KRT84: variants seen among roughly 807,000 people sequenced by gnomAD.
The protein encoded by KRT84 is keratin 84.
KRT84 carries 38 observed loss-of-function variants against 49.0 expected under a neutral mutation model. The ratio of observed to expected loss-of-function variants is 0.78; its 90% CI spans 0.60 to 1.02. KRT84 has a LOEUF of 1.02. KRT84 is among the 50% of genes least tolerant of loss of function. KRT84 has a pLI of 0.00. For synonymous variants in KRT84, 334 were observed against 312.8 expected (o/e 1.07, Z -0.72); for missense variants, 860 against 788.6 (o/e 1.09, Z -1.08).
chr12:52,378,380 G>GCTGC lies in KRT84; in HGVS notation c.1457-4_1457-1dup (p.Ser486CysfsTer15), dbSNP rs1230055321. ...CAGGCCGCCCCGGGAGCTGCTGACG[G>GCTGC]CTGCGGAGAAAGAAAGCATCAGGGA... On this transcript the variant is annotated frameshift_variant and splice_region_variant. Transcript: ENST00000257951. LOFTEE classifies it high-confidence loss of function. 2 of 1,454,650 alleles carry GCTGC rather than the reference G, an allele frequency of 1.4e-6. No homozygotes were observed. The highest frequency in any genetic ancestry group is 1.8e-6 in the Non-Finnish European group (2 of 1,106,586). The allele number at this position is 1,454,650 out of a possible 1,614,324, so 90.1% of individuals were successfully genotyped here.
Position 52,377,994 on chromosome 12 carries a change from C to T in KRT84, c.*40G>A. On this transcript the variant is annotated 3_prime_UTR_variant, in exon 9 of 9. Coordinates refer to ENST00000257951, the MANE Select transcript of KRT84 (RefSeq NM_033045.4). ...GGGGGCAGAAGCAGGAGCCGTGGAG[C>T]TGGTTCTTCTCTGGGCAGCAGCTGT... is the stretch of plus-strand genomic sequence containing the variant. The T allele has an allele frequency of 7.3e-7, 1 of 1,366,586 alleles. No homozygotes were observed. The allele number at this position is 1,366,586 out of a possible 1,614,324, so 84.7% of individuals were successfully genotyped here.
chr12:52,383,525 T>C (rs963226129), intron 2 of KRT84, 65 bp downstream of exon 2: 11 of 1,367,190 alleles, frequency 8.0e-6, no homozygotes, highest in Non-Finnish European at 1.1e-5. Flanking sequence ...TCATCTGAGC[T>C]TGGCAGCTAA....
At chr12:52,381,654 A>C in intron 4 of KRT84, 129 bp from the exon 5 acceptor site, 1 of 891,380 alleles carries the variant, frequency 1.1e-6, no homozygotes, top group Non-Finnish European at 1.7e-6. Context: ...AAAAAGCAAG[A>C]CCATCTAAAT....
intron 4 of KRT84, among the ~76,000 whole-genome samples, 178 bp from the exon 5 acceptor site, chr12:52,381,703 G>A (rs12320269): frequency 6.6e-6 from 1 of 152,176 alleles, no homozygotes; most frequent in Non-Finnish European, 1.5e-5. Context: ...AACCATCTCA[G>A]GCTGACTTTA....
At position 52,378,132 on chromosome 12, in the gene KRT84, G is replaced by C. The variant is rs368100864; in HGVS notation, c.1705C>G (p.Pro569Ala). 6.4e-7 allele frequency: 1 copy of C among 1,562,092 alleles called. No homozygotes were observed. The highest frequency in any genetic ancestry group is 8.6e-7 in the Non-Finnish European group (1 of 1,156,448). ...SEACVPSVPC[P>A]LPTQGGFSSC... ...CTGAAGCCCCCCTGGGTGGGCAGGG[G>C]GCAGGGGACGCTGGGGACACAGGCC... Residue 569 changes from proline to alanine, a missense_variant, in exon 9 of 9, where the codon CCC becomes GCC. Pro to Ala is a conservative substitution (Grantham distance 27). Transcript: ENST00000257951.
intron 6 of KRT84, 125 bp downstream of exon 6, chr12:52,380,955 G>T (rs2121435380): frequency 7.6e-7 from 1 of 1,312,026 alleles, no homozygotes; most frequent in Non-Finnish European, 1.1e-6. Flanking sequence ...TTCCTGGACT[G>T]ATCCCTCCAT....
chr12:52,380,794 G>C lies in KRT84; in HGVS notation c.1204-211C>G, dbSNP rs17119908. Among the ~76,000 whole-genome samples the C allele has an allele frequency of 0.054, 8,280 of 152,250 alleles. 702 individuals are homozygous for C. The highest frequency in any genetic ancestry group is 0.18 in the African/African-American group (7,441 of 41,508). ...TGTTGTTTCCATCCCCACTGACTTTGTCACTGCTGATTTCAGCTGCCCCAG... is the reference window on the plus strand; with the variant it reads ...TGTTGTTTCCATCCCCACTGACTTTCTCACTGCTGATTTCAGCTGCCCCAG... On this transcript the variant is annotated intron_variant, in intron 6 of 8. Transcript: ENST00000257951.
At chr12:52,381,906 G>A (rs1939491252) in intron 4 of KRT84, among the ~76,000 whole-genome samples, 1 of 152,212 alleles carries the variant, frequency 6.6e-6, no homozygotes, top group Non-Finnish European at 1.5e-5. Flanking sequence ...TTAGCACATG[G>A]TGGTCTAGGA....
chr12:52,380,488 G>A lies in KRT84; in HGVS notation c.1299C>T (p.Ala433=), dbSNP rs1254482698. Residue 433 remains alanine (A), a synonymous_variant, in exon 7 of 9, where the codon GCC becomes GCT. Coordinates refer to ENST00000257951, the MANE Select transcript of KRT84 (RefSeq NM_033045.4). ...CCATGTCCTGCTTGGCCTGCTGCAGGGCACACTCCAGATCTGCCAGCTTGC... is the reference window on the plus strand; with the variant it reads ...CCATGTCCTGCTTGGCCTGCTGCAGAGCACACTCCAGATCTGCCAGCTTGC... ...AKCKLADLEC[A]LQQAKQDMAR... The A allele has an allele frequency of 6.2e-7, 1 of 1,614,036 alleles. No homozygotes were observed. The highest frequency in any genetic ancestry group is 8.5e-7 in the Non-Finnish European group (1 of 1,179,888).
chr12:52,382,502 C>A lies in KRT84; in HGVS notation c.847G>T (p.Asp283Tyr). The part of the protein sequence containing the change: ...DVDAAFMNKS[D>Y]LEANVDTLTQ... ...AGGGTATCCACGTTGGCCTCGAGAT[C>A]AGACTTGTTCATGAAAGCTGCATCC... Residue 283 changes from aspartate to tyrosine, a missense_variant, in exon 4 of 9, where the codon GAT becomes TAT. Coordinates refer to ENST00000257951, the MANE Select transcript of KRT84 (RefSeq NM_033045.4). The A allele has an allele frequency of 6.2e-7, 1 of 1,614,016 alleles. No individual in the cohort carries two copies. The highest frequency in any genetic ancestry group is 1.1e-5 in the South Asian group (1 of 91,062).
rs1004930853 is a variant in KRT84, at chr12:52,381,242, T to G, written c.1078-37A>C. The G allele has an allele frequency of 2.5e-6, 4 of 1,612,918 alleles. No homozygotes were observed. The African/African-American group carries it at 4.0e-5, about 16-fold the overall frequency. On this transcript the variant is annotated intron_variant, in intron 5 of 8. Coordinates refer to ENST00000257951, the MANE Select transcript of KRT84 (RefSeq NM_033045.4). ...GGAGGGTATTTTGAGGGTTCGGAGG[T>G]CAGGTCAGGATCACAGCCCCCACTG...
intron 8 of KRT84, 26 bp from the exon 9 acceptor site, chr12:52,378,406 G>A: frequency 1.4e-6 from 2 of 1,433,134 alleles, no homozygotes; most frequent in Non-Finnish European, 1.8e-6. Flanking sequence ...GCATCAGGGA[G>A]GCTGCCGACA....
In KRT84 at chr12:52,382,434, C is replaced by T. The variant is rs1939498177; in HGVS notation, c.912+3G>A. On this transcript the variant is annotated splice_donor_region_variant and intron_variant, in intron 4 of 8. Coordinates refer to ENST00000257951, the MANE Select transcript of KRT84 (RefSeq NM_033045.4). ...GGGTGCCCTAGAGAAGATGAACCCT[C>T]ACCTCCATGTAAAGCGTTTTTAGAA... The T allele has an allele frequency of 6.2e-7, 1 of 1,608,612 alleles. No homozygotes were observed. The highest frequency in any genetic ancestry group is 8.5e-7 in the Non-Finnish European group (1 of 1,174,968).
chr12:52,380,045 G>A lies in KRT84; in HGVS notation c.1425-138C>T, dbSNP rs1436614547. ...CCCTGGTTATACACACATCTGGGGA[G>A]CGTTGAAAAACACGTTCTTAGACCC... On this transcript the variant is annotated intron_variant, in intron 7 of 8. Transcript: ENST00000257951. 3 of 760,758 alleles carry A rather than the reference G, an allele frequency of 3.9e-6. No individual in the cohort carries two copies. The East Asian group carries it at 8.0e-5, about 20-fold the overall frequency. The allele number at this position is 760,758 out of a possible 1,614,324, so 47.1% of individuals were successfully genotyped here.
chr12:52,386,436 G>A (rs1939575100), upstream of KRT84, among the ~76,000 whole-genome samples: 2 of 149,992 alleles, frequency 1.3e-5, no homozygotes, highest in South Asian at 4.3e-4. Context: ...TGCCCAGGCT[G>A]GTCTTGAACT....
At chr12:52,379,849 G>A (rs1249411418) in intron 8 of KRT84, 27 bp downstream of exon 8, 3 of 1,588,068 alleles carry the variant, frequency 1.9e-6, no homozygotes, top group Non-Finnish European at 2.6e-6. Context: ...AGAGAAATGT[G>A]TGAAGAGGAA....
rs1939558271 is a variant in KRT84 at position 52,385,432 on chromosome 12, T to A, written c.154A>T (p.Ser52Cys). 6.2e-7 allele frequency: 1 copy of A among 1,614,030 alleles called. No homozygotes were observed. The highest frequency in any genetic ancestry group is 8.5e-7 in the Non-Finnish European group (1 of 1,180,030). Residue 52 changes from serine to cysteine, a missense_variant, in exon 1 of 9, where the codon AGT (serine) becomes TGT (cysteine). Transcript: ENST00000257951. ...PGFRGLGSFGSRSVITFGSYS... is the reference protein window; with the variant it reads ...PGFRGLGSFGCRSVITFGSYS... ...GATCCAAAGGTGATGACACTCCGAC[T>A]ACCAAAGCTGCCAAGGCCCCGGAAT...
At position 52,381,037 on chromosome 12, in the gene KRT84, G is replaced by A. The variant is rs762492975; in HGVS notation, c.1203+43C>T. On this transcript the variant is annotated intron_variant, in intron 6 of 8. Transcript: ENST00000257951. ...GGGGGTTCCCAAAGCCTGAGGCCCT[G>A]GTTCTCCCTCATCTGAGGCTTTCCC... 5 of 1,604,862 alleles carry A rather than the reference G, an allele frequency of 3.1e-6. No homozygotes were observed. The East Asian group carries it at 6.7e-5, about 22-fold the overall frequency.
At chr12:52,386,735 T>C (rs989612707), upstream of KRT84, among the ~76,000 whole-genome samples, 3 of 152,206 alleles carry the variant, frequency 2.0e-5, no homozygotes, top group Admixed American at 6.5e-5. Flanking sequence ...TACATCTGGA[T>C]AGAAAAGGAA....
Sources: gnomAD v4.1 joint callset for allele counts (sites outside exome capture counted in the v4.1 genomes callset) on GRCh38, gnomAD v4.1.1 for gene constraint, MANE v1.5 for transcripts, NCBI Gene and HGNC (gene_info 2026-07-23, HGNC 2026-07-21) for gene names.